The following LRRC7 variants were observed in gnomAD, a reference collection of about 807,000 sequenced individuals.
LRRC7 encodes leucine rich repeat containing 7.
Under a neutral mutation model 175.7 loss-of-function variants are expected in LRRC7, and 23 were observed. The observed-to-expected ratio is 0.13, with a 90% confidence interval of 0.09 to 0.19. The LOEUF is 0.19. Ranked by LOEUF, LRRC7 falls within the 10% of genes least tolerant of loss-of-function variation. LRRC7 has a pLI of 1.00. For missense variants in LRRC7, 1,354 were observed against 1,904.7 expected, an observed-to-expected ratio of 0.71 and a Z score of 5.38; for synonymous variants, 685 against 680.9, an observed-to-expected ratio of 1.01 and a Z score of -0.09.
intron 3 of LRRC7, among the ~76,000 whole-genome samples, chr1:69,789,985 T>A (rs572138481): frequency 1.3e-5 from 2 of 152,094 alleles, no homozygotes; most frequent in South Asian, 4.1e-4. Context: ...ATAAGACACA[T>A]CCATATTGTA....
chr1:69,998,639 A>G (rs1159347341), intron 11 of LRRC7, among the ~76,000 whole-genome samples: 1 of 152,116 alleles, frequency 6.6e-6, no homozygotes, highest in Non-Finnish European at 1.5e-5. Flanking sequence ...TTTTATCCCT[A>G]CTTAACGTCA....
chr1:70,120,609 A>G (rs1326106218), intron 26 of LRRC7, among the ~76,000 whole-genome samples: 1 of 152,148 alleles, frequency 6.6e-6, no homozygotes, highest in East Asian at 1.9e-4. Context: ...GTGATTGGTT[A>G]TCTGAAATAT....
intron 3 of LRRC7, among the ~76,000 whole-genome samples, chr1:69,790,171 C>T (rs1025002914): frequency 6.6e-6 from 1 of 151,948 alleles, no homozygotes; most frequent in African/African-American, 2.4e-5. Flanking sequence ...ATGTATTGTT[C>T]TCATTTTATA....
At chr1:70,090,829 G>A (rs1197131909) in intron 25 of LRRC7, among the ~76,000 whole-genome samples, 1 of 151,964 alleles carries the variant, frequency 6.6e-6, no homozygotes, top group Admixed American at 6.6e-5. Flanking sequence ...GAAAAACCTG[G>A]GATGCCATTA....
chr1:69,664,033 T>G (rs1482964338), intron 1 of LRRC7, among the ~76,000 whole-genome samples: 2 of 152,224 alleles, frequency 1.3e-5, no homozygotes, highest in Non-Finnish European at 2.9e-5. Flanking sequence ...GTTTTAATTT[T>G]TATAAGTGTG....
Position 69,568,932 on chromosome 1 carries a change from G to C in LRRC7, c.2+291G>C, listed in dbSNP as rs564390323. 3.3e-5 allele frequency among the ~76,000 whole-genome samples: 5 copies of C among 152,324 alleles called. No individual in the cohort carries two copies. The South Asian group carries it at 6.2e-4, about 19-fold the overall frequency. The stretch of plus-strand genomic sequence containing the variant: ...AGGGTTACATACTGCGAAAAGGAAA[G>C]GTAAATGTTGGGCGCTGGTGCTGGG... On this transcript the variant is annotated intron_variant, in intron 1 of 26. Transcript: ENST00000651989.
At chr1:69,636,184 A>T (rs1385603741) in intron 1 of LRRC7, among the ~76,000 whole-genome samples, 1 of 152,012 alleles carries the variant, frequency 6.6e-6, no homozygotes, top group African/African-American at 2.4e-5. Flanking sequence ...GAATGGCCAG[A>T]TTTGTGTTTT....
At chr1:69,937,055 A>G (rs763374801) in intron 8 of LRRC7, among the ~76,000 whole-genome samples, 9 of 152,218 alleles carry the variant, frequency 5.9e-5, no homozygotes, top group Non-Finnish European at 1.0e-4. Flanking sequence ...GCTATCTGCT[A>G]AACCCTCTTA....
At chr1:69,660,281 A>C (rs1657264465) in intron 1 of LRRC7, among the ~76,000 whole-genome samples, 1 of 152,136 alleles carries the variant, frequency 6.6e-6, no homozygotes, top group African/African-American at 2.4e-5. Flanking sequence ...ATATAGTCTC[A>C]AATTACATAA....
At chr1:69,636,308 G>A (rs1570089984) in intron 1 of LRRC7, among the ~76,000 whole-genome samples, 1 of 151,738 alleles carries the variant, frequency 6.6e-6, no homozygotes, top group African/African-American at 2.4e-5. Context: ...ATTTTTCTTA[G>A]GCAAAATGAG....
At chr1:69,667,899 G>T (rs182556636) in intron 1 of LRRC7, among the ~76,000 whole-genome samples, 1 of 151,096 alleles carries the variant, frequency 6.6e-6, no homozygotes, top group African/African-American at 2.4e-5. Context: ...CTTCCTTCTC[G>T]TCTTCCTTTT....
chr1:69,923,001 T>C (rs559944259), intron 7 of LRRC7, among the ~76,000 whole-genome samples: 1 of 152,136 alleles, frequency 6.6e-6, no homozygotes, highest in East Asian at 1.9e-4. Context: ...CAGAGTGTGA[T>C]GTTCCCCTTC....
At chr1:69,650,914 T>C (rs990843042) in intron 1 of LRRC7, among the ~76,000 whole-genome samples, 1 of 152,226 alleles carries the variant, frequency 6.6e-6, no homozygotes, top group Non-Finnish European at 1.5e-5. Context: ...CATTTGATTA[T>C]AGCTGCCACT....
At chr1:69,758,218 A>G (rs1357465095) in intron 2 of LRRC7, among the ~76,000 whole-genome samples, 1 of 152,078 alleles carries the variant, frequency 6.6e-6, no homozygotes, top group Non-Finnish European at 1.5e-5. Flanking sequence ...GTTATGTAAA[A>G]CAATAGTTAC....
chr1:69,939,836 T>G (rs1464145360), intron 8 of LRRC7, among the ~76,000 whole-genome samples: 1 of 152,100 alleles, frequency 6.6e-6, no homozygotes, highest in Non-Finnish European at 1.5e-5. Flanking sequence ...CATGCCTATA[T>G]AAATACAAAT....
chr1:69,921,904 C>T (rs1341548426), intron 7 of LRRC7, among the ~76,000 whole-genome samples: 2 of 151,858 alleles, frequency 1.3e-5, no homozygotes, highest in African/African-American at 4.8e-5. Context: ...TATTTCTTAT[C>T]AATTCTTACA....
intron 2 of LRRC7, among the ~76,000 whole-genome samples, chr1:69,717,025 T>A (rs1328429606): frequency 6.6e-6 from 1 of 151,664 alleles, no homozygotes; most frequent in African/African-American, 2.4e-5. Flanking sequence ...GAACTAAGTT[T>A]GCAAATAAAA....
intron 1 of LRRC7, among the ~76,000 whole-genome samples, chr1:69,610,774 T>C (rs1648599559): frequency 6.6e-6 from 1 of 151,904 alleles, no homozygotes; most frequent in South Asian, 2.1e-4. Context: ...GCAAAAATAT[T>C]TCACAAACAT....
At chr1:69,858,518 A>G (rs1683987542) in intron 7 of LRRC7, among the ~76,000 whole-genome samples, 1 of 151,724 alleles carries the variant, frequency 6.6e-6, no homozygotes, top group African/African-American at 2.4e-5. Flanking sequence ...GCATACTAGA[A>G]GGTCTCTTTC....
Sources: gnomAD v4.1 joint callset for allele counts (sites outside exome capture counted in the v4.1 genomes callset) on GRCh38, gnomAD v4.1.1 for gene constraint, MANE v1.5 for transcripts, NCBI Gene and HGNC (gene_info 2026-07-23, HGNC 2026-07-21) for gene names.